UGT8: variants seen among roughly 807,000 people sequenced by gnomAD.
UGT8 encodes UDP glycosyltransferase 8, also known as 2-hydroxyacylsphingosine 1-beta-galactosyltransferase.
UGT8 carries 12 observed loss-of-function variants against 40.5 expected under a neutral mutation model. That is an observed-to-expected ratio of 0.30 (90% confidence interval 0.19 to 0.48). The LOEUF is 0.48. Among genes scored for constraint, UGT8 ranks in the 20% least tolerant of loss-of-function variants. The pLI, the probability that UGT8 is intolerant of heterozygous loss-of-function variation, is 0.99. For missense variants in UGT8, 513 were observed against 648.7 expected, an observed-to-expected ratio of 0.79 and a Z score of 2.27; for synonymous variants, 224 against 240.4, an observed-to-expected ratio of 0.93 and a Z score of 0.63.
chr4:114,620,639 T>G (rs547540342), intron 1 of UGT8, among the ~76,000 whole-genome samples: 6 of 152,336 alleles, frequency 3.9e-5, no homozygotes, highest in South Asian at 4.1e-4. Context: ...TAATGTGCAT[T>G]ACTTTTACTT....
chr4:114,654,470 G>C (rs1196105982), intron 2 of UGT8, among the ~76,000 whole-genome samples: 1 of 152,028 alleles, frequency 6.6e-6, no homozygotes, highest in Admixed American at 6.6e-5. Flanking sequence ...GAGGAATTCA[G>C]ACAGAATAGC....
At chr4:114,617,983 TA>T (rs1242560526) in intron 1 of UGT8, among the ~76,000 whole-genome samples, 1 of 152,210 alleles carries the variant, frequency 6.6e-6, no homozygotes, top group African/African-American at 2.4e-5. Flanking sequence ...TTCAAGTCCA[TA>T]ACCTTAAAAT....
chr4:114,612,714 A>G (rs1731165575), intron 1 of UGT8, among the ~76,000 whole-genome samples: 1 of 152,118 alleles, frequency 6.6e-6, no homozygotes, highest in African/African-American at 2.4e-5. Context: ...TGCTTATTCA[A>G]AATGCACTCC....
In UGT8 at chr4:114,668,271, A is replaced by G. The variant is rs1205358432; in HGVS notation, c.1229A>G (p.Tyr410Cys). Residue 410 changes from tyrosine to cysteine, a missense_variant, in exon 5 of 6, where the codon TAT becomes TGT. By Grantham distance (194) the Tyr-to-Cys change is radical (BLOSUM62 -2). Transcript: ENST00000310836. ...AAGACAGTTACTGAAAAAGAGCTCT[A>G]TGAAGCACTAGTGAAGGTTATCAAT... The part of the protein sequence containing the change: ...EWKTVTEKEL[Y>C]EALVKVINNP... 1.2e-5 allele frequency: 20 copies of G among 1,613,692 alleles called. No individual in the cohort carries two copies. Among genetic ancestry groups the G allele is most frequent in the African/African-American group, 2.7e-5 (2 of 74,936 alleles).
At chr4:114,641,652 A>G (rs1157917995) in intron 2 of UGT8, among the ~76,000 whole-genome samples, 3 of 152,214 alleles carry the variant, frequency 2.0e-5, no homozygotes, top group Non-Finnish European at 4.4e-5. Context: ...CGAGAGATTA[A>G]CCATTGTAGT....
intron 2 of UGT8, among the ~76,000 whole-genome samples, chr4:114,650,596 C>T (rs2126121661): frequency 6.6e-6 from 1 of 152,086 alleles, no homozygotes; most frequent in Admixed American, 6.5e-5. Flanking sequence ...ATACTTAGTC[C>T]AATATCATGA....
chr4:114,665,816 C>CTT (rs528593278), intron 4 of UGT8, 60 bp downstream of exon 4: 1,477 of 1,087,056 alleles, frequency 1.4e-3, no homozygotes, highest in Non-Finnish European at 1.5e-3. Context: ...ATAAATGTGA[C>CTT]TTTTTTTTTT....
intron 2 of UGT8, among the ~76,000 whole-genome samples, chr4:114,661,839 T>A (rs1451491844): frequency 6.6e-6 from 1 of 152,176 alleles, no homozygotes; most frequent in Non-Finnish European, 1.5e-5. Context: ...ACATGATGAA[T>A]ATAATTTTTT....
chr4:114,670,430 C>CAAAAAA (rs70964319), intron 5 of UGT8, among the ~76,000 whole-genome samples: 4 of 57,330 alleles, frequency 7.0e-5, no homozygotes, highest in African/African-American at 9.6e-5. Flanking sequence ...GACTCTGTCT[C>CAAAAAA]AAAAAAAAAA....
At chr4:114,654,900 T>C (rs897867080) in intron 2 of UGT8, among the ~76,000 whole-genome samples, 3 of 152,054 alleles carry the variant, frequency 2.0e-5, no homozygotes, top group African/African-American at 7.2e-5. Context: ...CTGGAAATAC[T>C]AATTTAGCTG....
chr4:114,674,769 A>C (rs1278095844), intron 5 of UGT8, among the ~76,000 whole-genome samples: 2 of 152,192 alleles, frequency 1.3e-5, no homozygotes, highest in East Asian at 3.8e-4. Context: ...GTTCCTCTAT[A>C]ATGCACAACT....
intron 2 of UGT8, among the ~76,000 whole-genome samples, chr4:114,654,210 ATAACT>A (rs1212334196): frequency 3.3e-5 from 5 of 152,054 alleles, no homozygotes; most frequent in Non-Finnish European, 5.9e-5. Context: ...CTTAGAAGAG[ATAACT>A]TAATGTGTTT....
intron 1 of UGT8, among the ~76,000 whole-genome samples, chr4:114,604,233 A>G (rs1730604645): frequency 6.6e-6 from 1 of 152,224 alleles, no homozygotes. Flanking sequence ...AGTGTGTTCT[A>G]GTTCCTTAGA....
At chr4:114,607,535 T>A (rs574371404) in intron 1 of UGT8, among the ~76,000 whole-genome samples, 1 of 152,280 alleles carries the variant, frequency 6.6e-6, no homozygotes, top group African/African-American at 2.4e-5. Flanking sequence ...TTCTCTATTC[T>A]CACTCCTTTG....
intron 2 of UGT8, among the ~76,000 whole-genome samples, chr4:114,649,811 T>TAA (rs5861188): frequency 6.6e-6 from 1 of 151,410 alleles, no homozygotes; most frequent in Non-Finnish European, 1.5e-5. Context: ...TTTCTTATTT[T>TAA]AAAAAAAAAC....
intron 2 of UGT8, 84 bp from the exon 3 acceptor site, chr4:114,663,911 T>C: frequency 6.7e-7 from 1 of 1,486,674 alleles, no homozygotes; most frequent in Non-Finnish European, 9.0e-7. Context: ...ACTTAAAAGG[T>C]TTTTTTTTAA....
At chr4:114,611,032 A>G (rs1430733304) in intron 1 of UGT8, among the ~76,000 whole-genome samples, 1 of 152,140 alleles carries the variant, frequency 6.6e-6, no homozygotes, top group African/African-American at 2.4e-5. Flanking sequence ...TTGCAGGAGA[A>G]GATGAAAGTT....
chr4:114,665,069 A>G (rs1734769659), intron 3 of UGT8, among the ~76,000 whole-genome samples: 1 of 152,164 alleles, frequency 6.6e-6, no homozygotes, highest in African/African-American at 2.4e-5. Flanking sequence ...TGCTTCATTT[A>G]GGACAGTTTA....
intron 2 of UGT8, among the ~76,000 whole-genome samples, chr4:114,638,862 AAGATTTTCT>A (rs1733044292): frequency 1.3e-5 from 2 of 152,212 alleles, no homozygotes; most frequent in African/African-American, 4.8e-5. Flanking sequence ...CTTACTGCAG[AAGATTTTCT>A]AGCTTCCATT....
Sources: allele counts gnomAD v4.1 joint callset (sites outside exome capture counted in the v4.1 genomes callset), GRCh38; gene constraint gnomAD v4.1.1; transcripts MANE v1.5; gene names NCBI Gene and HGNC (gene_info 2026-07-23, HGNC 2026-07-21).